The following NCOR2 variants were observed in gnomAD, a reference collection of about 807,000 sequenced individuals.
NCOR2 encodes CTG repeat protein 26.
NCOR2 carries 81 observed loss-of-function variants against 262.9 expected under a neutral mutation model. The observed-to-expected ratio is 0.31, with a 90% CI of 0.26 to 0.37. NCOR2 has a LOEUF of 0.37. NCOR2 is among the 10% of genes least tolerant of loss of function. The probability of loss-of-function intolerance (pLI) is 1.00; values close to 1 mark genes in which losing one functional copy is unlikely to be tolerated. For missense variants in NCOR2, 3,385 were observed against 3,621.4 expected (o/e 0.93, Z 1.68); for synonymous variants, 1,659 against 1,559.3 (o/e 1.06, Z -1.51).
intron 1 of NCOR2, among the ~76,000 whole-genome samples, chr12:124,550,052 C>A (rs1178470375): frequency 2.0e-5 from 3 of 152,196 alleles, no homozygotes; most frequent in Non-Finnish European, 2.9e-5. Context: ...GGACCGCAGG[C>A]AATGTCTGGA....
chr12:124,490,348 A>G (rs1332780541), intron 1 of NCOR2, among the ~76,000 whole-genome samples: 3 of 152,044 alleles, frequency 2.0e-5, no homozygotes, highest in Non-Finnish European at 4.4e-5. Context: ...TGTTCTGTTC[A>G]CAGCTGCACT....
At chr12:124,380,334 C>G (rs1032785457) in intron 17 of NCOR2, among the ~76,000 whole-genome samples, 1 of 152,238 alleles carries the variant, frequency 6.6e-6, no homozygotes, top group African/African-American at 2.4e-5. Context: ...CCTCTGAGCA[C>G]AGCCCCTTGG....
chr12:124,501,632 CTG>C (rs1421592712), intron 1 of NCOR2, among the ~76,000 whole-genome samples: 1 of 152,214 alleles, frequency 6.6e-6, no homozygotes, highest in African/African-American at 2.4e-5. Flanking sequence ...TCTCCTGTCT[CTG>C]TGTCTCCCCT....
exon 14 of NCOR2, chr12:124,402,483 C>T (rs1294115747): frequency 1.2e-6 from 2 of 1,611,402 alleles, no homozygotes; most frequent in African/African-American, 1.3e-5. Flanking sequence ...TCCTTCTCAT[C>T]TTTCTCCTCC....
At chr12:124,372,289 G>A (rs1473630636) in exon 20 of NCOR2, 22 of 1,545,010 alleles carry the variant, frequency 1.4e-5, no homozygotes, top group Admixed American at 3.8e-5. Context: ...CTCCTCAGCC[G>A]CGGGGGGCTT....
chr12:124,451,584 T>C (rs1345150795), intron 6 of NCOR2, among the ~76,000 whole-genome samples: 1 of 151,664 alleles, frequency 6.6e-6, no homozygotes, highest in Non-Finnish European at 1.5e-5. Context: ...TGTCTGTCTG[T>C]CTCCCTCTCT....
At position 124,482,335 on chromosome 12, in the gene NCOR2, C is replaced by T. The variant is rs868213664; in HGVS notation, c.411+1261G>A. Among the ~76,000 whole-genome samples, 1 of 152,072 alleles carries T rather than the reference C, an allele frequency of 6.6e-6. No individual in the cohort carries two copies. The highest frequency in any genetic ancestry group is 1.9e-4 in the East Asian group (1 of 5,172). On this transcript the variant is annotated intron_variant, in intron 3 of 46. Coordinates refer to ENST00000405201, the Ensembl canonical transcript of NCOR2. This position sits in a 1 kb window ranked among gnomAD's most constrained non-coding sequence, Gnocchi z 6.3. ...CAGCCACTCAGAGCAGGAGGGGAAG[C>T]CCAGCCATCCCAGCCCCAGGACGGC...
rs1157375516 is a variant in NCOR2 at position 124,378,740 on chromosome 12, G to T, written c.2020-356C>A. On this transcript the variant is annotated intron_variant, in intron 17 of 46. Coordinates refer to ENST00000405201, the Ensembl canonical transcript of NCOR2. The surrounding 1 kb of genome is among the most constrained non-coding windows in gnomAD (Gnocchi z 4.2). ...CACCCTGTCAGCTTCATCGGCACAC[G>T]TGGAGTGAATGAACACAGGAAGCTT... Among the ~76,000 whole-genome samples the T allele has an allele frequency of 6.6e-6, 1 of 152,196 alleles. No homozygotes were observed. The highest frequency in any genetic ancestry group is 1.5e-5 in the Non-Finnish European group (1 of 68,044).
chr12:124,340,018 G>T (rs750147352), exon 37 of NCOR2: 2 of 1,612,106 alleles, frequency 1.2e-6, no homozygotes, highest in Non-Finnish European at 1.7e-6. Flanking sequence ...CAGGACCGTG[G>T]GCGTGCTGGG....
At chr12:124,326,552 T>C (rs2034664011) in intron 45 of NCOR2, among the ~76,000 whole-genome samples, 182 bp from the exon 48 acceptor site, 1 of 152,090 alleles carries the variant, frequency 6.6e-6, no homozygotes, top group Non-Finnish European at 1.5e-5. Context: ...GTTGACCAGA[T>C]GGCCAGCCAT....
intron 22 of NCOR2, among the ~76,000 whole-genome samples, chr12:124,359,698 G>A (rs554615272): frequency 6.6e-5 from 10 of 152,358 alleles, no homozygotes; most frequent in East Asian, 1.9e-4. Flanking sequence ...GGAGCTGTTC[G>A]ATGCTGGAAG....
chr12:124,335,846 G>A (rs2035832871), intron 38 of NCOR2: 4 of 575,590 alleles, frequency 6.9e-6, no homozygotes, highest in South Asian at 2.3e-5. Context: ...TGCAGAGCCC[G>A]GGACAGAGAC....
chr12:124,489,679 G>A (rs1251925874), intron 1 of NCOR2, among the ~76,000 whole-genome samples: 1 of 152,156 alleles, frequency 6.6e-6, no homozygotes, highest in Non-Finnish European at 1.5e-5. Flanking sequence ...TGGAAATCAG[G>A]GCCACCAATA....
intron 7 of NCOR2, among the ~76,000 whole-genome samples, chr12:124,445,576 A>G (rs1269431999): frequency 6.6e-6 from 1 of 152,186 alleles, no homozygotes; most frequent in Non-Finnish European, 1.5e-5. Context: ...CCTCCCACCT[A>G]GAAGCAATGA....
chr12:124,359,072 G>A (rs191006317), intron 22 of NCOR2, among the ~76,000 whole-genome samples: 1 of 152,334 alleles, frequency 6.6e-6, no homozygotes, highest in East Asian at 1.9e-4. Flanking sequence ...TTCAGGCCTG[G>A]GGAGATCCTG....
chr12:124,403,690 G>C (rs888385530), intron 13 of NCOR2, among the ~76,000 whole-genome samples: 2 of 152,212 alleles, frequency 1.3e-5, no homozygotes, highest in Admixed American at 6.5e-5. Flanking sequence ...AGATGGAAGA[G>C]GAGGGATCGG....
chr12:124,341,674 A>G, intron 34 of NCOR2, 149 bp downstream of exon 36: 1 of 1,250,948 alleles, frequency 8.0e-7, no homozygotes. Context: ...CACAGCACGC[A>G]CAACCCCAGG....
At chr12:124,358,094 TGCGCGCGCGCAC>T (rs2038137828) in intron 22 of NCOR2, among the ~76,000 whole-genome samples, 1 of 142,190 alleles carries the variant, frequency 7.0e-6, no homozygotes, top group African/African-American at 2.7e-5. Context: ...GATGTGTGTG[TGCGCGCGCGCAC>T]GTGCGTGCGT....
intron 6 of NCOR2, among the ~76,000 whole-genome samples, chr12:124,455,274 C>A (rs1171879552): frequency 1.3e-5 from 2 of 152,214 alleles, no homozygotes; most frequent in Non-Finnish European, 2.9e-5. Context: ...AACAAAAAAA[C>A]AAGCAAGCAG....
Sources: allele counts gnomAD v4.1 joint callset (sites outside exome capture counted in the v4.1 genomes callset), GRCh38; gene constraint gnomAD v4.1.1; non-coding constraint Gnocchi (gnomAD v3.1); transcripts MANE v1.5; gene names NCBI Gene and HGNC (gene_info 2026-07-23, HGNC 2026-07-21).